Variants in IQSEC3 observed in about 807,000 individuals in gnomAD.
IQSEC3 encodes IQ motif and Sec7 domain ArfGEF 3, also known as IQ motif and SEC7 domain-containing protein 3.
IQSEC3 carries 50 observed loss-of-function variants against 105.4 expected under a neutral mutation model. That is an observed-to-expected ratio of 0.47 (90% CI 0.38 to 0.60). The LOEUF is 0.60. Ranked by LOEUF, IQSEC3 falls within the 20% of genes least tolerant of loss-of-function variation. The probability of loss-of-function intolerance (pLI) is 0.00; values close to 1 mark genes in which losing one functional copy is unlikely to be tolerated. For synonymous variants in IQSEC3, 708 were observed against 746.0 expected, an observed-to-expected ratio of 0.95 and a Z score of 0.83; for missense variants, 1,415 against 1,630.0, an observed-to-expected ratio of 0.87 and a Z score of 2.27.
chr12:125,820 G>T lies in IQSEC3; in HGVS notation c.811G>T (p.Gly271Cys). ...TGGCCCCCAGCACAAGGCCTCCCCC[G>T]GCCGGCAGCAGCCTGCCCTGGCGAC... Reference protein sequence around the residue: ...RAGPQHKASPGRQQPALATAL... With the variant: ...RAGPQHKASPCRQQPALATAL... Residue 271 changes from glycine (G) to cysteine (C), a missense_variant, in exon 3 of 14, where the codon GGC becomes TGC. Physicochemically the swap from Gly to Cys is radical, Grantham distance 159. Coordinates refer to ENST00000538872, the MANE Select transcript of IQSEC3 (RefSeq NM_001170738.2). 6.5e-7 allele frequency: 1 copy of T among 1,528,922 alleles called. No homozygotes were observed. Among genetic ancestry groups the T allele is most frequent in the South Asian group, 1.2e-5 (1 of 83,612 alleles). The allele number at this position is 1,528,922 out of a possible 1,614,324, so 94.7% of individuals were successfully genotyped here. A position where few individuals can be genotyped will look rare whatever the true frequency, so the allele number is the denominator to read the frequency against.
chr12:131,696 C>T (rs1305695701), intron 3 of IQSEC3, among the ~76,000 whole-genome samples: 1 of 152,052 alleles, frequency 6.6e-6, no homozygotes, highest in African/African-American at 2.4e-5. Flanking sequence ...ATGGACAGTC[C>T]GCAGCGAGAG....
At chr12:162,816 C>T (rs1162842722) in intron 8 of IQSEC3, among the ~76,000 whole-genome samples, 1 of 152,182 alleles carries the variant, frequency 6.6e-6, no homozygotes, top group Non-Finnish European at 1.5e-5. Context: ...CTCTCGCACA[C>T]CTGCATCTCT....
At chr12:172,954 G>A (rs1939085462) in intron 13 of IQSEC3, among the ~76,000 whole-genome samples, 1 of 152,206 alleles carries the variant, frequency 6.6e-6, no homozygotes, top group African/African-American at 2.4e-5. Flanking sequence ...GGGAGAAGAA[G>A]GACGGCTCAG....
chr12:73,727 G>T (rs1555068199), intron 1 of IQSEC3, among the ~76,000 whole-genome samples: 1 of 152,092 alleles, frequency 6.6e-6, no homozygotes, highest in African/African-American at 2.4e-5. Flanking sequence ...AAGATAAAAG[G>T]TTCACCTGTT....
chr12:136,415 A>C (rs979397514), intron 3 of IQSEC3, among the ~76,000 whole-genome samples: 3 of 152,082 alleles, frequency 2.0e-5, no homozygotes, highest in African/African-American at 7.2e-5. Context: ...GGCACCCATC[A>C]CACCCTGCAG....
At chr12:117,535 C>T (rs981099911) in intron 2 of IQSEC3, among the ~76,000 whole-genome samples, 8 of 152,100 alleles carry the variant, frequency 5.3e-5, no homozygotes, top group African/African-American at 1.7e-4. Context: ...GCTCCACATT[C>T]GCCCATGGGG....
At chr12:120,735 T>C (rs933996320) in intron 2 of IQSEC3, among the ~76,000 whole-genome samples, 25 of 152,222 alleles carry the variant, frequency 1.6e-4, no homozygotes, top group Non-Finnish European at 3.5e-4. Flanking sequence ...TTCTCAAAGA[T>C]GTTCACTTCC....
chr12:125,916 C>T lies in IQSEC3; in HGVS notation c.903+4C>T. The T allele has an allele frequency of 1.3e-6, 2 of 1,531,684 alleles. No homozygotes were observed. Among genetic ancestry groups the T allele is most frequent in the Non-Finnish European group, 1.7e-6 (2 of 1,145,558 alleles). The allele number at this position is 1,531,684 out of a possible 1,614,324, so 94.9% of individuals were successfully genotyped here. A position where few individuals can be genotyped will look rare whatever the true frequency, so the allele number is the denominator to read the frequency against. On this transcript the variant is annotated splice_donor_region_variant and intron_variant, in intron 3 of 13. Transcript: ENST00000538872. ...CCTTGACCTAAAGAATAAACAGGTA[C>T]CCAGGGCCTCCTAGGGGGGCGGGGA...
intron 1 of IQSEC3, among the ~76,000 whole-genome samples, chr12:71,855 C>A (rs1308963340): frequency 1.3e-5 from 2 of 152,268 alleles, no homozygotes; most frequent in Non-Finnish European, 2.9e-5. Context: ...GAGAGAGTTT[C>A]TAGTCTAAGA....
intron 5 of IQSEC3, chr12:148,637 GT>G (rs1356740356): frequency 6.6e-6 from 1 of 152,170 alleles, no homozygotes; most frequent in Admixed American, 6.5e-5. Flanking sequence ...CTTGACCTTT[GT>G]TGAGCATGTT....
At chr12:90,429 C>A (rs534720198) in intron 1 of IQSEC3, among the ~76,000 whole-genome samples, 1 of 152,178 alleles carries the variant, frequency 6.6e-6, no homozygotes, top group African/African-American at 2.4e-5. Flanking sequence ...ATATTATCTT[C>A]TATATTTTCT....
intron 1 of IQSEC3, among the ~76,000 whole-genome samples, chr12:71,032 C>A (rs1332941160): frequency 6.6e-6 from 1 of 152,272 alleles, no homozygotes; most frequent in Non-Finnish European, 1.5e-5. Flanking sequence ...TCCACATAAG[C>A]TACACAGGGA....
At chr12:82,453 G>A (rs11063263) in intron 1 of IQSEC3, among the ~76,000 whole-genome samples, 77,200 of 152,018 alleles carry the variant, frequency 0.51, 20,464 homozygotes, top group Non-Finnish European at 0.57. Flanking sequence ...CTGAAGGGAC[G>A]AAGCGGGTTC....
chr12:126,716 G>A (rs569280753), intron 3 of IQSEC3, among the ~76,000 whole-genome samples: 16 of 152,232 alleles, frequency 1.1e-4, no homozygotes, highest in South Asian at 6.2e-4. Context: ...CTGGGCATTC[G>A]TTTCCTCATC....
At position 152,739 on chromosome 12, in the gene IQSEC3, G is replaced by C; in HGVS notation, c.2154-4286G>C. ...GGAGTGAAGAGAAGAGAGCCCAGTG[G>C]GGCAGGGAGAGGCCTCACAAGATTA... On this transcript the variant is annotated intron_variant, in intron 5 of 13. Transcript: ENST00000538872. This position sits in a 1 kb window ranked among gnomAD's most constrained non-coding sequence, Gnocchi z 4.8. Among the ~76,000 whole-genome samples the C allele has an allele frequency of 6.6e-6, 1 of 152,246 alleles. No homozygotes were observed. Among genetic ancestry groups the C allele is most frequent in the Middle Eastern group, 3.4e-3 (1 of 294 alleles).
chr12:134,118 G>A lies in IQSEC3; in HGVS notation c.904-4149G>A, dbSNP rs118021337. On this transcript the variant is annotated intron_variant, in intron 3 of 13. Transcript: ENST00000538872. ...GTGAGCTGAACACACAAAGGAGGCA[G>A]GAGCGGGAGAGCGTCTGCTGAGTCA... Among the ~76,000 whole-genome samples, 921 of 152,356 alleles carry A rather than the reference G, an allele frequency of 6.0e-3. 10 individuals are homozygous for A. Among genetic ancestry groups the A allele is most frequent in the Middle Eastern group, 0.054 (16 of 294 alleles).
intron 5 of IQSEC3, among the ~76,000 whole-genome samples, chr12:149,657 C>T (rs1565436798): frequency 1.3e-5 from 2 of 152,174 alleles, no homozygotes; most frequent in Non-Finnish European, 2.9e-5. Flanking sequence ...GGAAGACAGG[C>T]AGGCAAATGT....
In IQSEC3 at chr12:134,287, G is replaced by A. The variant is rs537350843; in HGVS notation, c.904-3980G>A. On this transcript the variant is annotated intron_variant, in intron 3 of 13. Coordinates refer to ENST00000538872, the MANE Select transcript of IQSEC3 (RefSeq NM_001170738.2). The stretch of plus-strand genomic sequence containing the variant: ...GCCACGGCAGGTGAAATCTGCCCTC[G>A]TGGGACTTGATGTCTAGTAGAGGAT... Among the ~76,000 whole-genome samples, 228 of 152,368 alleles carry A rather than the reference G, an allele frequency of 1.5e-3. 1 individual carries two copies. Among genetic ancestry groups the A allele is most frequent in the African/African-American group, 5.1e-3 (212 of 41,592 alleles).
intron 5 of IQSEC3, among the ~76,000 whole-genome samples, chr12:154,405 C>G (rs1025323528): frequency 1.3e-5 from 2 of 152,162 alleles, no homozygotes; most frequent in Non-Finnish European, 2.9e-5. Context: ...AGCCCTGGGG[C>G]AGAAGGCACT....
Sources: gnomAD v4.1 joint callset for allele counts (sites outside exome capture counted in the v4.1 genomes callset) on GRCh38, gnomAD v4.1.1 for gene constraint, Gnocchi (gnomAD v3.1) non-coding constraint, MANE v1.5 for transcripts, NCBI Gene and HGNC (gene_info 2026-07-23, HGNC 2026-07-21) for gene names.